DNAH10: variants seen among roughly 807,000 people sequenced by gnomAD.
DNAH10 encodes the protein axonemal beta dynein heavy chain 10.
DNAH10 carries 348 observed loss-of-function variants against 506.6 expected under a neutral mutation model. The observed-to-expected ratio is 0.69, with a 90% CI of 0.63 to 0.75. The LOEUF (loss-of-function observed/expected upper bound fraction) is 0.75, where lower values mean the gene tolerates loss of function less well. Ranked by LOEUF, DNAH10 falls within the 30% of genes least tolerant of loss-of-function variation. DNAH10 has a pLI of 0.00. For synonymous variants in DNAH10, 2,059 were observed against 2,198.6 expected (o/e 0.94, Z 1.78); for missense variants, 5,179 against 5,787.1 (o/e 0.89, Z 3.41).
At chr12:123,873,769 GGTGT>G (rs776832942) in intron 46 of DNAH10, 59 bp downstream of exon 46, 1 of 1,515,850 alleles carries the variant, frequency 6.6e-7, no homozygotes, top group African/African-American at 1.4e-5. Context: ...TGTTTGCATG[GGTGT>G]GTGTGTGTGT....
Position 123,919,200 on chromosome 12 carries a change from A to G in DNAH10, c.11506+251A>G, listed in dbSNP as rs1344420392. On this transcript the variant is annotated intron_variant, in intron 65 of 78. Coordinates refer to ENST00000673944, the MANE Select transcript of DNAH10 (RefSeq NM_001372106.1). The surrounding 1 kb of genome is among the most constrained non-coding windows in gnomAD (Gnocchi z 4.9). ...AGGTGATCCTCCTACCTCAGCCTCC[A>G]GAGTAGCTGGGACTAAAGGCACGCC... Among the ~76,000 whole-genome samples the G allele has an allele frequency of 1.3e-5, 2 of 151,750 alleles. No homozygotes were observed. The highest frequency in any genetic ancestry group is 2.9e-5 in the Non-Finnish European group (2 of 67,950).
At chr12:123,790,792 G>A (rs1025442917) in intron 11 of DNAH10, among the ~76,000 whole-genome samples, 8 of 152,176 alleles carry the variant, frequency 5.3e-5, no homozygotes, top group Admixed American at 4.6e-4. Flanking sequence ...CAGTAGGCAA[G>A]AGGGTGCCAT....
At chr12:123,847,236 A>G (rs1182011420) in intron 32 of DNAH10, among the ~76,000 whole-genome samples, 1 of 146,724 alleles carries the variant, frequency 6.8e-6, no homozygotes, top group Non-Finnish European at 1.5e-5. Context: ...CTATCTATCT[A>G]TCTATCTATC....
At chr12:123,811,705 A>G (rs1022175615) in intron 19 of DNAH10, among the ~76,000 whole-genome samples, 6 of 151,988 alleles carry the variant, frequency 3.9e-5, no homozygotes, top group African/African-American at 7.2e-5. Flanking sequence ...GGGTTTCACC[A>G]TGTTAGCCAG....
intron 12 of DNAH10, 42 bp from the exon 13 acceptor site, chr12:123,796,614 G>A: frequency 6.6e-7 from 1 of 1,525,854 alleles, no homozygotes; most frequent in Non-Finnish European, 8.8e-7. Flanking sequence ...GGCTAACCTG[G>A]CGATGTTTAT....
chr12:123,873,119 AATATTGTC>A (rs1952102066), intron 45 of DNAH10, among the ~76,000 whole-genome samples: 1 of 152,216 alleles, frequency 6.6e-6, no homozygotes. Flanking sequence ...TTTATGTTTG[AATATTGTC>A]ATATTGAAAA....
At chr12:123,851,099 GGT>G (rs769416830) in intron 35 of DNAH10, 23 bp downstream of exon 35, 1 of 1,578,968 alleles carries the variant, frequency 6.3e-7, no homozygotes. Context: ...GGCAGCGCCA[GGT>G]CGTGCAGTGC....
rs753270895 is a variant in DNAH10, at chr12:123,841,456, C to T, written c.5271C>T (p.Asp1757=). Residue 1757 remains aspartate (D), a synonymous_variant, in exon 30 of 79, where the codon GAC becomes GAT. Coordinates refer to ENST00000673944, the MANE Select transcript of DNAH10 (RefSeq NM_001372106.1). ...TGCGGGCTGAAGGGCGCGTGGAGGACTGGATGACGGCAGTTTTGAATGAGA... is the reference window on the plus strand; with the variant it reads ...TGCGGGCTGAAGGGCGCGTGGAGGATTGGATGACGGCAGTTTTGAATGAGA... ...KILRAEGRVE[D]WMTAVLNEMR... is the part of the protein sequence containing the mutation. 8 of 1,613,850 alleles carry T rather than the reference C, an allele frequency of 5.0e-6. No homozygotes were observed. In the East Asian group the frequency reaches 1.6e-4, roughly 31 times the overall value.
At position 123,861,014 on chromosome 12, in the gene DNAH10, T is replaced by C; in HGVS notation, c.6752T>C (p.Leu2251Pro). The change falls in exon 39 of 79, where the codon CTT becomes CCT. Residue 2251 changes from leucine to proline, a missense_variant and splice_region_variant. Transcript: ENST00000673944. ...GGCTAAAGCCTCTCTTGATTTAGGC[T>C]TGGGCTGACGACAAAGTTGTACATC... ...INTLCQAQTKLGLTTKLYILN... is the reference protein window; with the variant it reads ...INTLCQAQTKPGLTTKLYILN... 1 of 1,614,004 alleles carries C rather than the reference T, an allele frequency of 6.2e-7. No individual in the cohort carries two copies. The highest frequency in any genetic ancestry group is 8.5e-7 in the Non-Finnish European group (1 of 1,179,892).
intron 25 of DNAH10, among the ~76,000 whole-genome samples, chr12:123,827,575 A>G (rs770652019): frequency 2.6e-5 from 4 of 152,140 alleles, no homozygotes; most frequent in Non-Finnish European, 5.9e-5. Flanking sequence ...GACACGAATT[A>G]GGAGTTACAG....
chr12:123,836,865 T>A (rs982937494), intron 28 of DNAH10, among the ~76,000 whole-genome samples: 1 of 151,672 alleles, frequency 6.6e-6, no homozygotes, highest in Non-Finnish European at 1.5e-5. Context: ...TCTCTTTTTT[T>A]TTTTTGAGAC....
chr12:123,812,917 C>T lies in DNAH10; in HGVS notation c.3145-247C>T, dbSNP rs544932192. Among the ~76,000 whole-genome samples, 4 of 152,260 alleles carry T rather than the reference C, an allele frequency of 2.6e-5. No individual in the cohort carries two copies. In the South Asian group the frequency reaches 8.3e-4, roughly 32 times the overall value. On this transcript the variant is annotated intron_variant, in intron 19 of 78. Coordinates refer to ENST00000673944, the MANE Select transcript of DNAH10 (RefSeq NM_001372106.1). Reference sequence around the variant, plus strand: ...TTCTTGACTCCTTGGTTTGAATTTGCATAATACCATGTCCGCCCCTTTCCA... The same window carrying T: ...TTCTTGACTCCTTGGTTTGAATTTGTATAATACCATGTCCGCCCCTTTCCA...
chr12:123,851,084 G>C lies in DNAH10; in HGVS notation c.6291+8G>C. 6.3e-7 allele frequency: 1 copy of C among 1,590,748 alleles called. No homozygotes were observed. Among genetic ancestry groups the C allele is most frequent in the Non-Finnish European group, 8.6e-7 (1 of 1,165,998 alleles). On this transcript the variant is annotated splice_region_variant and intron_variant, in intron 35 of 78. Coordinates refer to ENST00000673944, the MANE Select transcript of DNAH10 (RefSeq NM_001372106.1). ...GGCTTCCTGGAGGCCAAGGTGGGGG[G>C]CCTTGGCAGCGCCAGGTCGTGCAGT...
intron 52 of DNAH10, among the ~76,000 whole-genome samples, chr12:123,890,807 G>A (rs915636543): frequency 6.6e-6 from 1 of 152,160 alleles, no homozygotes; most frequent in Non-Finnish European, 1.5e-5. Context: ...TTTGGCTGTG[G>A]GTTGGGGGAG....
chr12:123,813,829 A>T lies in DNAH10; in HGVS notation c.3697A>T (p.Ile1233Phe), dbSNP rs1157889912. 1 of 1,613,452 alleles carries T rather than the reference A, an allele frequency of 6.2e-7. No individual in the cohort carries two copies. The highest frequency in any genetic ancestry group is 1.1e-5 in the South Asian group (1 of 90,862). Residue 1233 changes from isoleucine to phenylalanine, a missense_variant, in exon 21 of 79, where the codon ATT (isoleucine) becomes TTT (phenylalanine). Ile to Phe is a conservative substitution (Grantham distance 21, BLOSUM62 0). Around this residue, in one of 3 missense-constraint regions of DNAH10, gnomAD observed 4,844 missense variants for 5,430.5 expected, o/e 0.89. Transcript: ENST00000673944. ...LKFVLATIAE[I>F]RSKSLVMELR... ...GTTTGTCCTTGCAACAATTGCAGAA[A>T]TTAGAAGTAAATCTCTAGTCATGGA...
chr12:123,779,096 G>T (rs920345049), intron 5 of DNAH10, among the ~76,000 whole-genome samples: 30 of 152,060 alleles, frequency 2.0e-4, no homozygotes, highest in Non-Finnish European at 5.9e-5. Context: ...GTAGAGATGG[G>T]TTTTCACCAT....
At chr12:123,881,541 C>G in intron 50 of DNAH10, 84 bp from the exon 51 acceptor site, 1 of 1,309,898 alleles carries the variant, frequency 7.6e-7, no homozygotes, top group Non-Finnish European at 1.0e-6. Context: ...TTTGTAGATT[C>G]TGGATATTAG....
Position 123,793,979 on chromosome 12 carries a change from C to A in DNAH10, c.1853C>A (p.Ser618Tyr). The change falls in exon 12 of 79, where the codon TCT (serine) becomes TAT (tyrosine). Residue 618 changes from serine to tyrosine, a missense_variant. Ser to Tyr is a moderately radical substitution (Grantham distance 144). Around this residue, in one of 3 missense-constraint regions of DNAH10, gnomAD observed 4,844 missense variants for 5,430.5 expected, o/e 0.89. Transcript: ENST00000673944. ...EKEAKHFIDESFKTLRSAEAA... is the reference protein window; with the variant it reads ...EKEAKHFIDEYFKTLRSAEAA... ...GAAGCAAAACATTTTATTGATGAAT[C>A]TTTTAAGACGCTTCGATCTGCTGAA... is the stretch of plus-strand genomic sequence containing the variant. The A allele has an allele frequency of 7.9e-7, 1 of 1,272,590 alleles. No homozygotes were observed. The highest frequency in any genetic ancestry group is 1.0e-6 in the Non-Finnish European group (1 of 978,278). 78.8% of individuals were successfully genotyped at this position (1,272,590 alleles called of 1,614,324 possible).
chr12:123,912,414 C>CT (rs1555254894), intron 59 of DNAH10, among the ~76,000 whole-genome samples: 1 of 40,692 alleles, frequency 2.5e-5, no homozygotes, highest in African/African-American at 1.4e-4. Flanking sequence ...GGGTCTGTCC[C>CT]GGGGGGGGTC....
Sources: allele counts gnomAD v4.1 joint callset (sites outside exome capture counted in the v4.1 genomes callset), GRCh38; gene constraint gnomAD v4.1.1; regional missense constraint gnomAD v4.1.1; non-coding constraint Gnocchi (gnomAD v3.1); transcripts MANE v1.5; gene names NCBI Gene and HGNC (gene_info 2026-07-23, HGNC 2026-07-21).